The following TFPI variants were observed in gnomAD, a reference collection of about 807,000 sequenced individuals.
The protein encoded by TFPI is anti-convertin.
TFPI carries 15 observed loss-of-function variants against 34.6 expected under a neutral mutation model. That is an observed-to-expected ratio of 0.43 (90% CI 0.29 to 0.67). The LOEUF (loss-of-function observed/expected upper bound fraction) is 0.67. Ranked by LOEUF, TFPI falls within the 30% of genes least tolerant of loss-of-function variation. The pLI, the probability that TFPI is intolerant of heterozygous loss-of-function variation, is 0.15. For missense variants in TFPI, 301 were observed against 364.0 expected (o/e 0.83, Z 1.41); for synonymous variants, 105 against 120.1 (o/e 0.87, Z 0.82).
Position 187,497,051 on chromosome 2 carries a change from A to G in TFPI, c.149T>C (p.Met50Thr). ...CGCCTTGAATGCACAAAATGAATGCATAAGTTTCAGTGGTGGCAACTCCGT... is the reference window on the plus strand; with the variant it reads ...CGCCTTGAATGCACAAAATGAATGCGTAAGTTTCAGTGGTGGCAACTCCGT... ...TDTELPPLKL[M>T]HSFCAFKADD... Residue 50 changes from methionine to threonine, a missense_variant, in exon 3 of 8, where the codon ATG (methionine) becomes ACG (threonine). Transcript: ENST00000233156. The G allele has an allele frequency of 6.2e-7, 1 of 1,613,074 alleles. No individual in the cohort carries two copies. The highest frequency in any genetic ancestry group is 8.5e-7 in the Non-Finnish European group (1 of 1,179,420).
intron 1 of TFPI, chr2:187,515,468 G>A (rs1243241992): frequency 6.6e-6 from 1 of 152,188 alleles, no homozygotes; most frequent in African/African-American, 2.4e-5. Context: ...GACCATCCTT[G>A]AACATCAGTA....
chr2:187,538,646 T>G (rs2106290279), intron 1 of TFPI, among the ~76,000 whole-genome samples: 1 of 152,290 alleles, frequency 6.6e-6, no homozygotes, highest in East Asian at 1.9e-4. Flanking sequence ...GATGATGGGT[T>G]GATGGGTGCA....
Position 187,465,556 on chromosome 2 carries a change from G to A in TFPI, c.*1380C>T, listed in dbSNP as rs1691677940. 7.2e-6 allele frequency: 1 copy of A among 138,878 alleles called. No individual in the cohort carries two copies. The highest frequency in any genetic ancestry group is 7.1e-5 in the Admixed American group (1 of 13,990). 8.6% of individuals were successfully genotyped at this position (138,878 alleles called of 1,614,324 possible). A position where few individuals can be genotyped will look rare whatever the true frequency, so the allele number is the denominator to read the frequency against. On this transcript the variant is annotated 3_prime_UTR_variant, in exon 8 of 8. Transcript: ENST00000233156. ...AAAAAGTAAAAAGCCTAGGGATTGGGTGAACTTTTTCGAAAAAAAAAAAAA... is the reference window on the plus strand; with the variant it reads ...AAAAAGTAAAAAGCCTAGGGATTGGATGAACTTTTTCGAAAAAAAAAAAAA...
chr2:187,478,459 T>G, intron 6 of TFPI: 1 of 527,764 alleles, frequency 1.9e-6, no homozygotes, highest in Non-Finnish European at 2.9e-6. Flanking sequence ...AAAAATGACT[T>G]TTTTTCCATG....
At chr2:187,546,596 A>AG (rs1333621124) in intron 1 of TFPI, 2 of 152,144 alleles carry the variant, frequency 1.3e-5, no homozygotes, top group Non-Finnish European at 2.9e-5. Flanking sequence ...GGAAAAAAAA[A>AG]GAATAATATA....
At chr2:187,533,412 C>T (rs1466557544) in intron 1 of TFPI, among the ~76,000 whole-genome samples, 1 of 152,124 alleles carries the variant, frequency 6.6e-6, no homozygotes, top group Non-Finnish European at 1.5e-5. Flanking sequence ...CTGGTGATAC[C>T]CAGGCAAACA....
intron 1 of TFPI, chr2:187,515,760 A>T (rs565502940): frequency 5.1e-4 from 78 of 152,318 alleles, no homozygotes; most frequent in African/African-American, 1.9e-3. Flanking sequence ...TATGGTTATT[A>T]TAAGTGTACC....
chr2:187,516,056 C>T (rs1360207845), intron 1 of TFPI: 3 of 152,176 alleles, frequency 2.0e-5, no homozygotes, highest in Admixed American at 6.5e-5. Flanking sequence ...TTTATATGCT[C>T]AACCGAATCA....
At position 187,505,980 on chromosome 2, in the gene TFPI, G is replaced by A. The variant is rs1050474847; in HGVS notation, c.-2-2210C>T. Reference sequence around the variant, plus strand: ...CAGCAAGCCATAGCTAAATAGTAGCGTATGTAATTTTTTTTTTAAAAAAAA... The same window carrying A: ...CAGCAAGCCATAGCTAAATAGTAGCATATGTAATTTTTTTTTTAAAAAAAA... On this transcript the variant is annotated intron_variant, in intron 1 of 7. Transcript: ENST00000233156. Among the ~76,000 whole-genome samples, 6 of 151,270 alleles carry A rather than the reference G, an allele frequency of 4.0e-5. No individual in the cohort carries two copies. The East Asian group carries it at 7.7e-4, about 20-fold the overall frequency.
At chr2:187,525,662 G>T (rs1036826684) in intron 1 of TFPI, among the ~76,000 whole-genome samples, 1 of 152,072 alleles carries the variant, frequency 6.6e-6, no homozygotes, top group African/African-American at 2.4e-5. Context: ...AATAAATGAT[G>T]TCATTGTTGT....
chr2:187,506,905 G>T (rs1686256410), intron 1 of TFPI, among the ~76,000 whole-genome samples: 1 of 151,796 alleles, frequency 6.6e-6, no homozygotes, highest in South Asian at 2.1e-4. Flanking sequence ...TTTCCATACT[G>T]TTTATTTATT....
At chr2:187,479,511 A>G (rs936355098) in intron 6 of TFPI, among the ~76,000 whole-genome samples, 2 of 138,608 alleles carry the variant, frequency 1.4e-5, no homozygotes, top group East Asian at 2.1e-4. Context: ...CTAAGCCCCT[A>G]TTAGTTTATG....
At chr2:187,521,194 C>A (rs906642781) in intron 1 of TFPI, among the ~76,000 whole-genome samples, 6 of 152,046 alleles carry the variant, frequency 3.9e-5, no homozygotes, top group African/African-American at 1.5e-4. Context: ...GGTATACTAT[C>A]TTTAAATACA....
intron 6 of TFPI, among the ~76,000 whole-genome samples, chr2:187,482,918 G>A (rs1692982784): frequency 6.6e-6 from 1 of 151,832 alleles, no homozygotes; most frequent in African/African-American, 2.4e-5. Context: ...ATGCTCCCTC[G>A]TAGATCTCAT....
chr2:187,539,790 A>G (rs907282285), intron 1 of TFPI, among the ~76,000 whole-genome samples: 10 of 152,318 alleles, frequency 6.6e-5, no homozygotes, highest in Admixed American at 3.3e-4. Flanking sequence ...ATGTGAAAGC[A>G]GTGTCTAGTT....
chr2:187,483,997 A>G, intron 6 of TFPI, 127 bp downstream of exon 6: 1 of 756,250 alleles, frequency 1.3e-6, no homozygotes, highest in Non-Finnish European at 2.1e-6. Flanking sequence ...GTATTTCAAC[A>G]AACACATTAT....
chr2:187,502,233 A>C (rs1472709004), intron 2 of TFPI, among the ~76,000 whole-genome samples: 4 of 152,142 alleles, frequency 2.6e-5, no homozygotes, highest in Non-Finnish European at 5.9e-5. Context: ...CTGATAACTT[A>C]ATTCTGGATT....
intron 1 of TFPI, among the ~76,000 whole-genome samples, chr2:187,512,933 A>T (rs1164038020): frequency 4.6e-5 from 7 of 152,198 alleles, no homozygotes; most frequent in Admixed American, 3.9e-4. Flanking sequence ...GAGAAAAAAA[A>T]GTTATAAAAA....
intron 1 of TFPI, among the ~76,000 whole-genome samples, chr2:187,511,656 C>T (rs573304780): frequency 2.6e-5 from 4 of 152,274 alleles, no homozygotes; most frequent in South Asian, 2.1e-4. Flanking sequence ...TAAGCCTTGA[C>T]GGGTCCGTTG....
Sources: allele counts gnomAD v4.1 joint callset (sites outside exome capture counted in the v4.1 genomes callset), GRCh38; gene constraint gnomAD v4.1.1; transcripts MANE v1.5; gene names NCBI Gene and HGNC (gene_info 2026-07-23, HGNC 2026-07-21).